TIAM2: variants seen among roughly 807,000 people sequenced by gnomAD.
The protein encoded by TIAM2 is TIAM Rac1 associated GEF 2.
Under a neutral mutation model 152.9 loss-of-function variants are expected in TIAM2, and 80 were observed. The observed-to-expected ratio is 0.52, with a 90% confidence interval of 0.44 to 0.63. The LOEUF (loss-of-function observed/expected upper bound fraction) is 0.63. Ranked by LOEUF, TIAM2 falls within the 30% of genes least tolerant of loss-of-function variation. The pLI is 0.00. For missense variants in TIAM2, 1,965 were observed against 2,120.1 expected, an observed-to-expected ratio of 0.93 and a Z score of 1.44; for synonymous variants, 804 against 838.0, an observed-to-expected ratio of 0.96 and a Z score of 0.70.
chr6:155,037,688 C>T (rs1304593263), intron 1 of TIAM2, among the ~76,000 whole-genome samples: 1 of 152,128 alleles, frequency 6.6e-6, no homozygotes, highest in African/African-American at 2.4e-5. Context: ...CACCACCACG[C>T]CTGCCTAATT....
intron 14 of TIAM2, among the ~76,000 whole-genome samples, chr6:155,189,134 C>T (rs1404632006): frequency 6.6e-6 from 1 of 152,174 alleles, no homozygotes; most frequent in African/African-American, 2.4e-5. Context: ...CAGGGAAAAG[C>T]ATTATAGAGC....
At chr6:155,003,255 A>G (rs1456505363) in intron 1 of TIAM2, among the ~76,000 whole-genome samples, 1 of 152,110 alleles carries the variant, frequency 6.6e-6, no homozygotes, top group Admixed American at 6.6e-5. Flanking sequence ...AGGTTATTGT[A>G]TTGGATATTA....
At position 155,240,633 on chromosome 6, in the gene TIAM2, C is replaced by G; in HGVS notation, c.3272C>G (p.Ala1091Gly). 1.2e-6 allele frequency: 2 copies of G among 1,614,042 alleles called. No homozygotes were observed. The highest frequency in any genetic ancestry group is 1.7e-6 in the Non-Finnish European group (2 of 1,180,024). ...CAGGATCCTCCTCCGAGGTCTCTGGCCCGCCACCTGTCTGATGCAGACCGC... is the reference window on the plus strand; with the variant it reads ...CAGGATCCTCCTCCGAGGTCTCTGGGCCGCCACCTGTCTGATGCAGACCGC... Reference protein sequence around the residue: ...ENQDPPPRSLARHLSDADRLR... With the variant: ...ENQDPPPRSLGRHLSDADRLR... Residue 1091 changes from alanine to glycine, a missense_variant, in exon 16 of 27, where the codon GCC becomes GGC. By Grantham distance (60) the Ala-to-Gly change is moderately conservative. Coordinates refer to ENST00000682666, the MANE Select transcript of TIAM2 (RefSeq NM_012454.4).
chr6:155,061,858 T>C (rs1472402191), intron 1 of TIAM2, among the ~76,000 whole-genome samples: 1 of 152,190 alleles, frequency 6.6e-6, no homozygotes, highest in Non-Finnish European at 1.5e-5. Flanking sequence ...TAATTCACTT[T>C]TTGTGGTGTA....
At chr6:155,208,048 C>T (rs1781634703) in intron 14 of TIAM2, among the ~76,000 whole-genome samples, 1 of 152,150 alleles carries the variant, frequency 6.6e-6, no homozygotes, top group Admixed American at 6.5e-5. Flanking sequence ...CTTGGTGGGA[C>T]TCAAGGTCTT....
chr6:155,009,727 C>A (rs115468032), intron 1 of TIAM2, among the ~76,000 whole-genome samples: 1 of 152,132 alleles, frequency 6.6e-6, no homozygotes, highest in Non-Finnish European at 1.5e-5. Flanking sequence ...ATATTAATTA[C>A]GCAGTTGTAA....
intron 7 of TIAM2, among the ~76,000 whole-genome samples, chr6:155,158,156 C>A (rs904473349): frequency 1.3e-4 from 19 of 151,982 alleles, no homozygotes; most frequent in Non-Finnish European, 2.4e-4. Context: ...ATGACTACTG[C>A]GATTAAATGA....
At chr6:155,054,300 C>T (rs543537536) in intron 1 of TIAM2, among the ~76,000 whole-genome samples, 52 of 152,326 alleles carry the variant, frequency 3.4e-4, no homozygotes, top group African/African-American at 1.0e-3. Context: ...TCTCACCTTA[C>T]AGGTGACAGC....
Position 155,130,044 on chromosome 6 carries a change from A to G in TIAM2, c.821A>G (p.Asp274Gly). The change falls in exon 4 of 27, where the codon GAC (aspartate) becomes GGC (glycine). Residue 274 changes from aspartate to glycine, a missense_variant. By Grantham distance (94) the Asp-to-Gly change is moderately conservative. Coordinates refer to ENST00000682666, the MANE Select transcript of TIAM2 (RefSeq NM_012454.4). ...TCCTTCCTGGCCCCCGGCATGCCTG[A>G]CCCCAGTCTCCATGCCAGCTTCCCA... ...EGSFLAPGMPDPSLHASFPPG... is the reference protein window; with the variant it reads ...EGSFLAPGMPGPSLHASFPPG... 3.1e-6 allele frequency: 5 copies of G among 1,613,882 alleles called. No individual in the cohort carries two copies. The highest frequency in any genetic ancestry group is 4.2e-6 in the Non-Finnish European group (5 of 1,179,996).
intron 2 of TIAM2, among the ~76,000 whole-genome samples, chr6:155,103,183 T>G (rs995499223): frequency 3.3e-5 from 5 of 152,176 alleles, no homozygotes; most frequent in African/African-American, 1.2e-4. Flanking sequence ...TATACGACTG[T>G]AGTTGGGCAG....
At chr6:155,194,634 TA>T in intron 14 of TIAM2, among the ~76,000 whole-genome samples, 1 of 152,216 alleles carries the variant, frequency 6.6e-6, no homozygotes, top group East Asian at 1.9e-4. Context: ...GGCACATAAG[TA>T]GAGTCATTCA....
chr6:155,105,800 CAT>C (rs942223661), intron 2 of TIAM2, among the ~76,000 whole-genome samples: 8 of 151,890 alleles, frequency 5.3e-5, no homozygotes, highest in African/African-American at 1.9e-4. Context: ...TCTCTTGCCA[CAT>C]GTTTGTCCGG....
chr6:155,103,800 C>CT (rs1455387595), intron 2 of TIAM2, among the ~76,000 whole-genome samples: 16 of 145,162 alleles, frequency 1.1e-4, no homozygotes, highest in East Asian at 4.2e-4. Context: ...TTCTTCTGAT[C>CT]TTTTTTTTGC....
chr6:155,061,123 C>A (rs890489666), intron 1 of TIAM2, among the ~76,000 whole-genome samples: 2 of 152,168 alleles, frequency 1.3e-5, no homozygotes, highest in African/African-American at 4.8e-5. Flanking sequence ...AGTGTTACTA[C>A]GTCTTCTAGG....
At chr6:155,195,840 C>G (rs1157949565) in intron 14 of TIAM2, among the ~76,000 whole-genome samples, 4 of 152,206 alleles carry the variant, frequency 2.6e-5, no homozygotes, top group Non-Finnish European at 5.9e-5. Flanking sequence ...TCACATGTGC[C>G]CCGATGTGGC....
chr6:155,015,545 G>A (rs1206086022), intron 1 of TIAM2, among the ~76,000 whole-genome samples: 2 of 152,056 alleles, frequency 1.3e-5, no homozygotes, highest in African/African-American at 4.8e-5. Context: ...TTTTGGAGGT[G>A]GAAGAAGAAT....
At position 155,257,614 on chromosome 6, in the gene TIAM2, A is replaced by G; in HGVS notation, c.*493A>G. The G allele has an allele frequency of 1.9e-6, 1 of 540,338 alleles. No individual in the cohort carries two copies. Among genetic ancestry groups the G allele is most frequent in the East Asian group, 3.2e-5 (1 of 30,796 alleles). The allele number at this position is 540,338 out of a possible 1,614,324, so 33.5% of individuals were successfully genotyped here. ...GTAATAGATGCTGTTTATACTAAAC[A>G]TGTCATAACTATCTATACAGTATAT... On this transcript the variant is annotated 3_prime_UTR_variant, in exon 27 of 27. Coordinates refer to ENST00000682666, the MANE Select transcript of TIAM2 (RefSeq NM_012454.4).
chr6:155,005,228 TA>T, intron 1 of TIAM2: 1 of 228,160 alleles, frequency 4.4e-6, no homozygotes. Flanking sequence ...CTTTCCACAA[TA>T]AAAATGAGGA....
At chr6:155,003,350 C>T (rs1434214134) in intron 1 of TIAM2, among the ~76,000 whole-genome samples, 1 of 151,882 alleles carries the variant, frequency 6.6e-6, no homozygotes, top group Non-Finnish European at 1.5e-5. Flanking sequence ...TGTAGTGGTG[C>T]ACGCCTGTAA....
Sources: gnomAD v4.1 joint callset for allele counts (sites outside exome capture counted in the v4.1 genomes callset) on GRCh38, gnomAD v4.1.1 for gene constraint, MANE v1.5 for transcripts, NCBI Gene and HGNC (gene_info 2026-07-23, HGNC 2026-07-21) for gene names.